Variants in SLC1A1 observed in about 807,000 individuals in gnomAD.
SLC1A1 encodes the protein solute carrier family 1 member 1.
A neutral mutation model predicts 53.3 loss-of-function variants in SLC1A1; 43 were observed. The observed-to-expected ratio is 0.81, with a 90% CI of 0.63 to 1.04. The LOEUF is 1.04. Among genes scored for constraint, SLC1A1 ranks in the 50% least tolerant of loss-of-function variants. The pLI, the probability that SLC1A1 is intolerant of heterozygous loss-of-function variation, is 0.00. For missense variants in SLC1A1, 748 were observed against 664.9 expected (o/e 1.12, Z -1.37); for synonymous variants, 307 against 243.2 (o/e 1.26, Z -2.44).
intron 1 of SLC1A1, among the ~76,000 whole-genome samples, chr9:4,498,416 A>C (rs1162605414): frequency 6.6e-6 from 1 of 152,310 alleles, no homozygotes; most frequent in Admixed American, 6.5e-5. Flanking sequence ...ATATTTGCAA[A>C]GTACACAATA....
Position 4,544,428 on chromosome 9 carries a change from T to C in SLC1A1, c.92-139T>C, listed in dbSNP as rs144825101. ...TTTAAAATATAATTTCAGTCTAGAT[T>C]TTACAGACTCATGGGAAATGATCTA... On this transcript the variant is annotated intron_variant, in intron 1 of 11. Coordinates refer to ENST00000262352, the MANE Select transcript of SLC1A1 (RefSeq NM_004170.6). The C allele has an allele frequency of 7.9e-6, 6 of 762,860 alleles. No individual in the cohort carries two copies. In the East Asian group the frequency reaches 1.5e-4, roughly 19 times the overall value. 47.3% of individuals were successfully genotyped at this position (762,860 alleles called of 1,614,324 possible).
chr9:4,582,899 A>T, intron 10 of SLC1A1, 139 bp from the exon 11 acceptor site: 1 of 1,085,650 alleles, frequency 9.2e-7, no homozygotes, highest in Middle Eastern at 2.0e-4. Flanking sequence ...GGGGCTCAGC[A>T]AGTCACAGAT....
chr9:4,495,919 C>T (rs1319391335), intron 1 of SLC1A1, among the ~76,000 whole-genome samples: 2 of 152,048 alleles, frequency 1.3e-5, no homozygotes, highest in Non-Finnish European at 2.9e-5. Context: ...TGGCATGTTC[C>T]ACGGTGGACG....
At chr9:4,547,698 A>C (rs1393735278) in intron 2 of SLC1A1, among the ~76,000 whole-genome samples, 3 of 152,186 alleles carry the variant, frequency 2.0e-5, no homozygotes, top group African/African-American at 7.2e-5. Flanking sequence ...CAAACTCCTA[A>C]GTACAAGGAT....
chr9:4,546,135 T>G (rs534658804), intron 2 of SLC1A1, among the ~76,000 whole-genome samples: 24 of 152,330 alleles, frequency 1.6e-4, no homozygotes, highest in Non-Finnish European at 3.2e-4. Flanking sequence ...ATTTGGCCTT[T>G]GAATTTCCCA....
Position 4,544,637 on chromosome 9 carries a change from T to A in SLC1A1, c.162T>A (p.Phe54Leu). 6.2e-7 allele frequency: 1 copy of A among 1,613,756 alleles called. No homozygotes were observed. The highest frequency in any genetic ancestry group is 1.1e-5 in the South Asian group (1 of 91,082). Residue 54 changes from phenylalanine (F) to leucine (L), a missense_variant, in exon 2 of 12, where the codon TTT becomes TTA. Phe to Leu is a conservative substitution (Grantham distance 22). Transcript: ENST00000262352. ...CTCTAGAGAAATTCTACTTTGCTTT[T>A]CCTGGAGAAATTCTAATGCGGATGC... ...LSTLEKFYFA[F>L]PGEILMRMLK...
intron 1 of SLC1A1, 130 bp downstream of exon 1, chr9:4,490,900 GCCTCGGGCCCC>G (rs1820211093): frequency 1.4e-6 from 1 of 735,850 alleles, no homozygotes. Context: ...CTCGGCCTTA[GCCTCGGGCCCC>G]CTGCGGGGGC....
At chr9:4,536,147 G>C (rs10974605) in intron 1 of SLC1A1, among the ~76,000 whole-genome samples, 62 of 152,118 alleles carry the variant, frequency 4.1e-4, no homozygotes, top group African/African-American at 1.4e-3. Flanking sequence ...AGGACTTCAT[G>C]TCTAAAACAC....
intron 1 of SLC1A1, among the ~76,000 whole-genome samples, chr9:4,529,790 A>G (rs7873961): frequency 0.27 from 41,678 of 151,950 alleles, 6,993 homozygotes; most frequent in Admixed American, 0.38. Context: ...AAGTACTGGA[A>G]TTACAGGTGT....
At chr9:4,528,734 T>A (rs1816357992) in intron 1 of SLC1A1, among the ~76,000 whole-genome samples, 1 of 152,172 alleles carries the variant, frequency 6.6e-6, no homozygotes, top group Admixed American at 6.5e-5. Context: ...TAACAGTACA[T>A]GCTTCTCAGT....
chr9:4,544,893 A>T (rs996733781), intron 2 of SLC1A1, among the ~76,000 whole-genome samples, 186 bp downstream of exon 2: 1 of 152,208 alleles, frequency 6.6e-6, no homozygotes, highest in African/African-American at 2.4e-5. Context: ...AACCTCCTTC[A>T]CAAGGTGGCA....
chr9:4,547,105 G>A (rs1171783282), intron 2 of SLC1A1, among the ~76,000 whole-genome samples: 1 of 152,170 alleles, frequency 6.6e-6, no homozygotes, highest in Non-Finnish European at 1.5e-5. Context: ...TGCCACTCTT[G>A]ACAGTCAATA....
intron 2 of SLC1A1, among the ~76,000 whole-genome samples, chr9:4,555,338 T>G (rs779774592): frequency 2.6e-5 from 4 of 152,180 alleles, no homozygotes; most frequent in Non-Finnish European, 4.4e-5. Context: ...TTAACAGCAA[T>G]GTGGAGAGAT....
At chr9:4,521,529 T>A (rs1816070376) in intron 1 of SLC1A1, among the ~76,000 whole-genome samples, 1 of 152,176 alleles carries the variant, frequency 6.6e-6, no homozygotes, top group Non-Finnish European at 1.5e-5. Flanking sequence ...GGACACCTTG[T>A]TTTTGCTTCC....
chr9:4,587,363 A>G lies in SLC1A1; in HGVS notation c.*1805A>G, dbSNP rs1238842608. 1 of 152,202 alleles carries G rather than the reference A, an allele frequency of 6.6e-6. No individual in the cohort carries two copies. The highest frequency in any genetic ancestry group is 1.5e-5 in the Non-Finnish European group (1 of 68,040). 9.4% of individuals were successfully genotyped at this position (152,202 alleles called of 1,614,324 possible). On this transcript the variant is annotated 3_prime_UTR_variant, in exon 12 of 12. Transcript: ENST00000262352. ...CAGAGCTGTTCATGAGCTGCCAGTT[A>G]TCATTTTGGAGTCAGTTTGAAACCA...
At chr9:4,551,872 A>C (rs1246918596) in intron 2 of SLC1A1, among the ~76,000 whole-genome samples, 1 of 152,256 alleles carries the variant, frequency 6.6e-6, no homozygotes, top group East Asian at 1.9e-4. Flanking sequence ...TTATTGTATC[A>C]ATTTGATTTC....
intron 3 of SLC1A1, among the ~76,000 whole-genome samples, chr9:4,563,707 AG>A (rs1819202731): frequency 6.6e-6 from 1 of 152,190 alleles, no homozygotes; most frequent in Non-Finnish European, 1.5e-5. Flanking sequence ...TTACTTCCCA[AG>A]GCCACAATGA....
At chr9:4,564,252 G>A in intron 3 of SLC1A1, 92 bp from the exon 4 acceptor site, 2 of 873,120 alleles carry the variant, frequency 2.3e-6, no homozygotes, top group South Asian at 1.4e-5. Flanking sequence ...ACTATTGCCT[G>A]GTACAACCAT....
intron 1 of SLC1A1, among the ~76,000 whole-genome samples, chr9:4,525,465 C>T (rs1168926071): frequency 6.6e-6 from 1 of 152,128 alleles, no homozygotes; most frequent in Non-Finnish European, 1.5e-5. Context: ...AGCCAACCCC[C>T]TCCTCAAAAG....
Sources: allele counts gnomAD v4.1 joint callset (sites outside exome capture counted in the v4.1 genomes callset), GRCh38; gene constraint gnomAD v4.1.1; transcripts MANE v1.5; gene names NCBI Gene and HGNC (gene_info 2026-07-23, HGNC 2026-07-21).